The following STRIP2 variants were observed in gnomAD, a reference collection of about 807,000 sequenced individuals.
STRIP2 encodes the protein striatin interacting protein 2, also known as striatin-interacting protein 2.
A neutral mutation model predicts 107.1 loss-of-function variants in STRIP2; 84 were observed. The observed-to-expected ratio is 0.78, with a 90% CI of 0.66 to 0.94. The LOEUF is 0.94. Ranked by LOEUF, STRIP2 falls within the 40% of genes least tolerant of loss-of-function variation. The probability of loss-of-function intolerance (pLI) is 0.00; values close to 1 mark genes in which losing one functional copy is unlikely to be tolerated. For synonymous variants in STRIP2, 394 were observed against 400.4 expected (o/e 0.98, Z 0.19); for missense variants, 888 against 1,034.2 (o/e 0.86, Z 1.94).
intron 18 of STRIP2, among the ~76,000 whole-genome samples, chr7:129,476,878 G>A (rs1473455242): frequency 1.3e-5 from 2 of 151,922 alleles, no homozygotes; most frequent in African/African-American, 2.4e-5. Flanking sequence ...ACTCCAGCCT[G>A]GGCAACATTG....
In STRIP2 at chr7:129,482,941, A is replaced by G. The variant is rs1209088233; in HGVS notation, c.2149A>G (p.Thr717Ala). The change falls in exon 20 of 21, where the codon ACC becomes GCC. Residue 717 changes from threonine (T) to alanine (A), a missense_variant. Physicochemically the swap from Thr to Ala is moderately conservative, Grantham distance 58. Transcript: ENST00000249344. ...TGTCCTAAAGCTACTAAAGTTACAG[A>G]CCAAGTACCTGGGGCGCCAATGGAG... is the stretch of plus-strand genomic sequence containing the variant. ...LYVLKLLKLQ[T>A]KYLGRQWRKS... is the part of the protein sequence containing the mutation. 6 of 1,614,172 alleles carry G rather than the reference A, an allele frequency of 3.7e-6. No homozygotes were observed. The South Asian group carries it at 5.5e-5, about 15-fold the overall frequency.
At chr7:129,435,145 C>A (rs1159918212) in intron 1 of STRIP2, among the ~76,000 whole-genome samples, 1 of 152,220 alleles carries the variant, frequency 6.6e-6, no homozygotes. Context: ...TTCGGGAGCG[C>A]CTTCCGCGGA....
intron 12 of STRIP2, among the ~76,000 whole-genome samples, chr7:129,460,097 A>C (rs986800542): frequency 2.1e-4 from 32 of 152,182 alleles, no homozygotes; most frequent in African/African-American, 7.7e-4. Context: ...CAGAATTTTA[A>C]AAAAACACTG....
intron 2 of STRIP2, among the ~76,000 whole-genome samples, chr7:129,442,417 T>C (rs551966458): frequency 1.3e-5 from 2 of 152,308 alleles, no homozygotes; most frequent in South Asian, 2.1e-4. Context: ...AATTTCATTA[T>C]AGCAGTTGCC....
intron 3 of STRIP2, among the ~76,000 whole-genome samples, chr7:129,445,064 G>GT (rs966542903): frequency 7.2e-5 from 11 of 152,132 alleles, no homozygotes; most frequent in African/African-American, 2.7e-4. Flanking sequence ...GCAGGTCGTG[G>GT]TTTTTTTCCT....
chr7:129,468,950 C>T (rs1449949726), intron 17 of STRIP2, among the ~76,000 whole-genome samples: 1 of 152,200 alleles, frequency 6.6e-6, no homozygotes, highest in East Asian at 1.9e-4. Flanking sequence ...CTCTCACTGA[C>T]AAATTTATCA....
At chr7:129,455,097 G>A in intron 7 of STRIP2, 147 bp from the exon 8 acceptor site, 2 of 993,068 alleles carry the variant, frequency 2.0e-6, no homozygotes, top group Non-Finnish European at 1.4e-6. Flanking sequence ...CCTTCTGGGG[G>A]CTAAGCCTCC....
chr7:129,456,812 C>T (rs624118), intron 9 of STRIP2, among the ~76,000 whole-genome samples, 170 bp downstream of exon 9: 46,550 of 151,944 alleles, frequency 0.31, 7,499 homozygotes, highest in African/African-American at 0.41. Flanking sequence ...CCTCTGTCCC[C>T]CAGCCCTGAC....
At position 129,483,704 on chromosome 7, in the gene STRIP2, C is replaced by T. The variant is rs35230862; in HGVS notation, c.2254+658C>T. The T allele has an allele frequency of 0.12, 17,903 of 152,168 alleles. 1,447 individuals are homozygous for T. The highest frequency in any genetic ancestry group is 0.39 in the East Asian group (2,019 of 5,178). 9.4% of individuals were successfully genotyped at this position (152,168 alleles called of 1,614,324 possible). On this transcript the variant is annotated intron_variant, in intron 20 of 20. Transcript: ENST00000249344. The surrounding 1 kb of genome is among the most constrained non-coding windows in gnomAD (Gnocchi z 5.1). ...GAATCCAATCCAGGACCACAGGTTG[C>T]ATCCAGTTGTTATATATATGTTAAT...
chr7:129,458,670 T>C lies in STRIP2; in HGVS notation c.1275-42T>C, dbSNP rs745875435. On this transcript the variant is annotated intron_variant, in intron 10 of 20. Coordinates refer to ENST00000249344, the MANE Select transcript of STRIP2 (RefSeq NM_020704.3). The surrounding 1 kb of genome is among the most constrained non-coding windows in gnomAD (Gnocchi z 4.6). ...AGTTTTTCTCTCTCAAAGTTTGCTT[T>C]TCTTCCCTTCTCTGGGATTGGTCTT... 3 of 1,611,994 alleles carry C rather than the reference T, an allele frequency of 1.9e-6. No individual in the cohort carries two copies. Among genetic ancestry groups the C allele is most frequent in the Non-Finnish European group, 2.5e-6 (3 of 1,178,066 alleles).
intron 1 of STRIP2, 112 bp from the exon 2 acceptor site, chr7:129,439,910 T>C (rs1011374036): frequency 2.8e-5 from 23 of 823,170 alleles, no homozygotes; most frequent in Non-Finnish European, 3.9e-5. Flanking sequence ...ACTGTCTCCC[T>C]GATCTAACCT....
intron 19 of STRIP2, among the ~76,000 whole-genome samples, chr7:129,482,333 T>TTCTCTC (rs61017071): frequency 2.7e-4 from 24 of 87,758 alleles, no homozygotes; most frequent in Admixed American, 6.4e-4. Flanking sequence ...AATGGAATAG[T>TTCTCTC]TCTCTCTCTC....
chr7:129,485,063 C>T (rs989265631), intron 20 of STRIP2, among the ~76,000 whole-genome samples: 3 of 152,126 alleles, frequency 2.0e-5, no homozygotes, highest in African/African-American at 7.2e-5. Context: ...GGAAAATCTT[C>T]GGTAATTGGT....
intron 3 of STRIP2, among the ~76,000 whole-genome samples, chr7:129,446,495 C>G (rs1479890470): frequency 6.6e-5 from 10 of 152,250 alleles, no homozygotes; most frequent in African/African-American, 2.2e-4. Context: ...GCCAGGTGCA[C>G]TGCTCAAAGT....
At chr7:129,434,659 C>A (rs1482455521) in intron 1 of STRIP2, 58 bp downstream of exon 1, 1 of 1,419,766 alleles carries the variant, frequency 7.0e-7, no homozygotes, top group Non-Finnish European at 9.2e-7. Context: ...CGGGAAGCGG[C>A]GGCTGAGGTG....
Position 129,458,677 on chromosome 7 carries a change from C to T in STRIP2, c.1275-35C>T. 6.2e-7 allele frequency: 1 copy of T among 1,612,858 alleles called. No individual in the cohort carries two copies. Among genetic ancestry groups the T allele is most frequent in the African/African-American group, 1.3e-5 (1 of 75,038 alleles). ...CTCTCTCAAAGTTTGCTTTTCTTCC[C>T]TTCTCTGGGATTGGTCTTTCCACCA... On this transcript the variant is annotated intron_variant, in intron 10 of 20. Coordinates refer to ENST00000249344, the MANE Select transcript of STRIP2 (RefSeq NM_020704.3). This position sits in a 1 kb window ranked among gnomAD's most constrained non-coding sequence, Gnocchi z 4.6.
intron 3 of STRIP2, among the ~76,000 whole-genome samples, chr7:129,449,559 A>G (rs1798126416): frequency 1.3e-5 from 2 of 152,100 alleles, no homozygotes; most frequent in Admixed American, 1.3e-4. Flanking sequence ...ACTACTGGGG[A>G]TGGGGAAACT....
intron 18 of STRIP2, among the ~76,000 whole-genome samples, chr7:129,476,079 A>G (rs191216672): frequency 0.022 from 3,305 of 152,064 alleles, 126 homozygotes; most frequent in African/African-American, 0.073. Context: ...GCTGTTGGGT[A>G]CACCTCCCAG....
At chr7:129,477,940 T>C (rs1403833260) in intron 18 of STRIP2, 1 of 521,348 alleles carries the variant, frequency 1.9e-6, no homozygotes, top group African/African-American at 1.9e-5. Flanking sequence ...TGAAATTAAA[T>C]GGTGGCAGAC....
Sources: allele counts gnomAD v4.1 joint callset (sites outside exome capture counted in the v4.1 genomes callset), GRCh38; gene constraint gnomAD v4.1.1; non-coding constraint Gnocchi (gnomAD v3.1); transcripts MANE v1.5; gene names NCBI Gene and HGNC (gene_info 2026-07-23, HGNC 2026-07-21).